The following MYO10 variants were observed in gnomAD, a reference collection of about 807,000 sequenced individuals.
The protein encoded by MYO10 is unconventional myosin-X.
A neutral mutation model predicts 257.3 loss-of-function variants in MYO10; 133 were observed. That is an observed-to-expected ratio of 0.52 (90% CI 0.45 to 0.60). The LOEUF is 0.60. Among genes scored for constraint, MYO10 ranks in the 20% least tolerant of loss-of-function variants. The pLI, the probability that MYO10 is intolerant of heterozygous loss-of-function variation, is 0.00. For synonymous variants in MYO10, 1,104 were observed against 1,028.6 expected (o/e 1.07, Z -1.40); for missense variants, 2,399 against 2,635.7 (o/e 0.91, Z 1.97).
In MYO10 at chr5:16,718,344, G is replaced by A. The variant is rs530397401; in HGVS notation, c.1930-7099C>T. Among the ~76,000 whole-genome samples the A allele has an allele frequency of 2.8e-3, 431 of 152,358 alleles. 3 individuals are homozygous for A. The highest frequency in any genetic ancestry group is 0.01 in the African/African-American group (417 of 41,592). On this transcript the variant is annotated intron_variant, in intron 19 of 40. Coordinates refer to ENST00000513610, the MANE Select transcript of MYO10 (RefSeq NM_012334.3). ...TAAGGGCTAAGGAATGCGAGCGCACGGCGCAGGACTGGCAGGCAGCTCCAC... is the reference window on the plus strand; with the variant it reads ...TAAGGGCTAAGGAATGCGAGCGCACAGCGCAGGACTGGCAGGCAGCTCCAC...
Position 16,699,878 on chromosome 5 carries a change from G to A in MYO10, c.3433-305C>T, listed in dbSNP as rs945160771. On this transcript the variant is annotated intron_variant, in intron 25 of 40. Coordinates refer to ENST00000513610, the MANE Select transcript of MYO10 (RefSeq NM_012334.3). Reference sequence around the variant, plus strand: ...ATTTACGGTAGCACACAAATAATTCGGAATTAAAAATACCAACTTTTAAGG... The same window carrying A: ...ATTTACGGTAGCACACAAATAATTCAGAATTAAAAATACCAACTTTTAAGG... Among the ~76,000 whole-genome samples, 6 of 151,290 alleles carry A rather than the reference G, an allele frequency of 4.0e-5. No individual in the cohort carries two copies. The South Asian group carries it at 8.4e-4, about 21-fold the overall frequency.
intron 19 of MYO10, chr5:16,742,077 A>G (rs1740035717): frequency 1.0e-6 from 1 of 985,314 alleles, no homozygotes. Flanking sequence ...GCACGCATCA[A>G]CAAATGTGTA....
chr5:16,674,239 G>C (rs943712852), intron 35 of MYO10, among the ~76,000 whole-genome samples: 1 of 152,102 alleles, frequency 6.6e-6, no homozygotes, highest in Admixed American at 6.6e-5. Flanking sequence ...AGGCCGAGGC[G>C]GGTGGATCAC....
At chr5:16,772,685 C>A (rs868709493) in intron 9 of MYO10, among the ~76,000 whole-genome samples, 12 of 152,088 alleles carry the variant, frequency 7.9e-5, no homozygotes, top group African/African-American at 2.9e-4. Flanking sequence ...GCAATAAATA[C>A]TTTTACAACA....
At chr5:16,684,004 T>A (rs1737128503) in intron 29 of MYO10, 69 bp from the exon 30 acceptor site, 2 of 1,374,670 alleles carry the variant, frequency 1.5e-6, no homozygotes, top group South Asian at 2.4e-5. Flanking sequence ...CAGTAATACC[T>A]CTAGCCCACA....
chr5:16,715,446 A>G (rs995339225), intron 19 of MYO10, among the ~76,000 whole-genome samples: 11 of 112,496 alleles, frequency 9.8e-5, no homozygotes, highest in South Asian at 5.9e-4. Context: ...GATTACAGGC[A>G]TTTGTCACCA....
At chr5:16,891,452 C>T (rs763755657) in intron 1 of MYO10, among the ~76,000 whole-genome samples, 4 of 150,786 alleles carry the variant, frequency 2.7e-5, no homozygotes, top group Non-Finnish European at 5.9e-5. Flanking sequence ...GGTGGTTGCC[C>T]GGGGCTGGGA....
intron 19 of MYO10, among the ~76,000 whole-genome samples, chr5:16,743,452 G>A (rs189255592): frequency 6.6e-6 from 1 of 152,184 alleles, no homozygotes; most frequent in Non-Finnish European, 1.5e-5. Flanking sequence ...AGACCACCCT[G>A]GCCAACATGA....
chr5:16,681,196 A>G (rs26758), intron 32 of MYO10, 113 bp downstream of exon 32: 408,049 of 1,186,770 alleles, frequency 0.34, 73,933 homozygotes, highest in African/African-American at 0.62. Flanking sequence ...CAAGAGGACA[A>G]CTTCTTTGGG....
chr5:16,680,107 G>C lies in MYO10; in HGVS notation c.4385-3C>G. ...GTACACGGTGACGTTCCAGTAGCCT[G>C]CAATGGCAGGGGTGCCCAGCACACG... On this transcript the variant is annotated splice_region_variant and splice_polypyrimidine_tract_variant and intron_variant, in intron 32 of 40. Transcript: ENST00000513610. 1 of 1,607,216 alleles carries C rather than the reference G, an allele frequency of 6.2e-7. No individual in the cohort carries two copies. Among genetic ancestry groups the C allele is most frequent in the South Asian group, 1.1e-5 (1 of 90,880 alleles).
chr5:16,805,695 A>G (rs1210987976), intron 3 of MYO10, among the ~76,000 whole-genome samples: 2 of 152,178 alleles, frequency 1.3e-5, no homozygotes, highest in Non-Finnish European at 2.9e-5. Flanking sequence ...AAGAATAAAT[A>G]AGCTGGTCGG....
chr5:16,685,085 T>C (rs1156626491), intron 29 of MYO10, among the ~76,000 whole-genome samples: 1 of 152,110 alleles, frequency 6.6e-6, no homozygotes, highest in African/African-American at 2.4e-5. Flanking sequence ...TTTCACCAAG[T>C]CCTCTGAAGA....
chr5:16,902,689 T>A (rs1745417253), intron 1 of MYO10: 2 of 927,134 alleles, frequency 2.2e-6, no homozygotes, highest in Admixed American at 3.5e-5. Flanking sequence ...TTTGTATTTT[T>A]AGTGGAGATG....
At chr5:16,677,723 T>C (rs937900576) in intron 33 of MYO10, among the ~76,000 whole-genome samples, 1 of 151,816 alleles carries the variant, frequency 6.6e-6, no homozygotes, top group African/African-American at 2.4e-5. Context: ...CCAACTTATT[T>C]CTTAAGAAGC....
At chr5:16,745,658 C>T (rs774392213) in intron 19 of MYO10, among the ~76,000 whole-genome samples, 13 of 151,656 alleles carry the variant, frequency 8.6e-5, no homozygotes, top group Non-Finnish European at 1.5e-4. Flanking sequence ...ACTACGCTCC[C>T]GCCTGGGCAA....
chr5:16,897,878 C>T (rs183405418), intron 1 of MYO10, among the ~76,000 whole-genome samples: 1 of 152,326 alleles, frequency 6.6e-6, no homozygotes, highest in African/African-American at 2.4e-5. Context: ...TAGCAGAATT[C>T]AGAACCATTC....
intron 3 of MYO10, among the ~76,000 whole-genome samples, chr5:16,798,619 G>A (rs1742034122): frequency 6.6e-6 from 1 of 152,208 alleles, no homozygotes. Context: ...GAGGCTGTGA[G>A]TGCCTGGCCC....
Position 16,770,500 on chromosome 5 carries a change from T to C in MYO10, c.931-1297A>G, listed in dbSNP as rs370189305. Among the ~76,000 whole-genome samples, 6 of 152,260 alleles carry C rather than the reference T, an allele frequency of 3.9e-5. No homozygotes were observed. The East Asian group carries it at 9.7e-4, about 25-fold the overall frequency. The stretch of plus-strand genomic sequence containing the variant: ...GTGTTTTCTGAATCATATCTAAGAT[T>C]TGCTGATTTTCTACTGTGACTGAGG... On this transcript the variant is annotated intron_variant, in intron 9 of 40. Coordinates refer to ENST00000513610, the MANE Select transcript of MYO10 (RefSeq NM_012334.3).
chr5:16,858,295 G>A (rs763785847), intron 2 of MYO10, among the ~76,000 whole-genome samples: 20 of 152,176 alleles, frequency 1.3e-4, no homozygotes, highest in Non-Finnish European at 2.9e-5. Context: ...AATTCAGGCT[G>A]TAGGCAAGGG....
Sources: allele counts gnomAD v4.1 joint callset (sites outside exome capture counted in the v4.1 genomes callset), GRCh38; gene constraint gnomAD v4.1.1; transcripts MANE v1.5; gene names NCBI Gene and HGNC (gene_info 2026-07-23, HGNC 2026-07-21).